The following EPHB1 variants were observed in gnomAD, a reference collection of about 807,000 sequenced individuals.
EPHB1 encodes EPH receptor B1.
In EPHB1, 30 loss-of-function variants were observed where a neutral mutation model predicts 94.4. That is an observed-to-expected ratio of 0.32 (90% confidence interval 0.24 to 0.43). EPHB1 has a LOEUF of 0.43. EPHB1 is among the 20% of genes least tolerant of loss of function. The pLI is 1.00. For missense variants in EPHB1, 1,055 were observed against 1,308.3 expected (o/e 0.81, Z 2.99); for synonymous variants, 522 against 489.1 (o/e 1.07, Z -0.89).
In EPHB1 at chr3:134,795,678, C is replaced by T; in HGVS notation, c.47C>T (p.Ala16Val). 2 of 1,610,122 alleles carry T rather than the reference C, an allele frequency of 1.2e-6. No homozygotes were observed. The highest frequency in any genetic ancestry group is 8.5e-7 in the Non-Finnish European group (1 of 1,178,434). The change falls in exon 1 of 16, where the codon GCT becomes GTT. Residue 16 changes from alanine (A) to valine (V), a missense_variant. Ala to Val is a moderately conservative substitution (Grantham distance 64). Coordinates refer to ENST00000398015, the MANE Select transcript of EPHB1 (RefSeq NM_004441.5). ...CTGCTCCTCCTGGCATCCGCAGTGG[C>T]TGCGATGGAAGGTAACGTACCCTCC... ...LLLLLLASAV[A>V]AMEETLMDTR...
intron 3 of EPHB1, among the ~76,000 whole-genome samples, chr3:134,981,708 A>C (rs1176528748): frequency 6.6e-6 from 1 of 152,164 alleles, no homozygotes; most frequent in Non-Finnish European, 1.5e-5. Flanking sequence ...ATGTTTAGTG[A>C]GTACCCACCC....
intron 1 of EPHB1, among the ~76,000 whole-genome samples, chr3:134,823,560 C>G (rs563345124): frequency 1.3e-5 from 2 of 152,312 alleles, no homozygotes; most frequent in African/African-American, 4.8e-5. Flanking sequence ...AGGCTACGCA[C>G]TATCATTTCC....
chr3:134,881,967 A>T (rs2108311788), intron 1 of EPHB1, among the ~76,000 whole-genome samples: 1 of 152,358 alleles, frequency 6.6e-6, no homozygotes, highest in South Asian at 2.1e-4. Flanking sequence ...CAAACAAAAA[A>T]TTCATGGAAT....
intron 3 of EPHB1, among the ~76,000 whole-genome samples, chr3:135,007,538 G>T (rs1330882389): frequency 6.6e-6 from 1 of 152,164 alleles, no homozygotes; most frequent in Non-Finnish European, 1.5e-5. Flanking sequence ...CTTTGGAAGG[G>T]ATGTCCTTAA....
intron 4 of EPHB1, among the ~76,000 whole-genome samples, chr3:135,117,404 G>A (rs1559837773): frequency 6.6e-6 from 1 of 152,226 alleles, no homozygotes; most frequent in African/African-American, 2.4e-5. Context: ...ATATGGGATT[G>A]GCTGTGGGCT....
At chr3:135,232,749 T>C (rs1943562792) in intron 12 of EPHB1, among the ~76,000 whole-genome samples, 1 of 151,948 alleles carries the variant, frequency 6.6e-6, no homozygotes, top group Admixed American at 6.6e-5. Context: ...AAGAAAGAGG[T>C]TTAATTGACT....
At chr3:135,033,117 T>C (rs1183629335) in intron 3 of EPHB1, among the ~76,000 whole-genome samples, 4 of 152,216 alleles carry the variant, frequency 2.6e-5, no homozygotes. Flanking sequence ...CTAGGAGCAG[T>C]GACCACCGTA....
intron 3 of EPHB1, among the ~76,000 whole-genome samples, chr3:134,965,419 G>A (rs1933697974): frequency 6.6e-6 from 1 of 151,994 alleles, no homozygotes; most frequent in South Asian, 2.1e-4. Context: ...TTCCTCTAGG[G>A]CCAGGCGAGG....
In EPHB1 at chr3:134,925,882, T is replaced by G. The variant is rs1578202389; in HGVS notation, c.123+2T>G. 1 of 1,599,244 alleles carries G rather than the reference T, an allele frequency of 6.3e-7. No homozygotes were observed. Among genetic ancestry groups the G allele is most frequent in the Non-Finnish European group, 8.5e-7 (1 of 1,172,508 alleles). ...TGGACGGCCAATCCTGCGTCCGGGG[T>G]GAGTATCAAACCATTCGTCTTTCAG... On this transcript the variant is annotated splice_donor_variant, in intron 2 of 15. Transcript: ENST00000398015. LOFTEE classifies it high-confidence loss of function.
chr3:134,859,961 A>G (rs2037211538), intron 1 of EPHB1, among the ~76,000 whole-genome samples: 1 of 152,086 alleles, frequency 6.6e-6, no homozygotes, highest in Non-Finnish European at 1.5e-5. Flanking sequence ...TAGCCCATCC[A>G]GTGGCTGTAT....
chr3:135,074,721 A>G (rs750710558), intron 3 of EPHB1, among the ~76,000 whole-genome samples: 5 of 152,164 alleles, frequency 3.3e-5, no homozygotes, highest in Non-Finnish European at 7.3e-5. Context: ...TCTGGGCCTC[A>G]GTTTCCCCAT....
intron 1 of EPHB1, among the ~76,000 whole-genome samples, chr3:134,820,712 G>A (rs1045575227): frequency 2.6e-5 from 4 of 151,892 alleles, no homozygotes; most frequent in African/African-American, 7.3e-5. Context: ...CCCACCACTC[G>A]GCCCCAGGCT....
At chr3:134,937,011 C>T (rs1262153220) in intron 2 of EPHB1, among the ~76,000 whole-genome samples, 3 of 152,104 alleles carry the variant, frequency 2.0e-5, no homozygotes, top group Non-Finnish European at 2.9e-5. Flanking sequence ...GTAATGGTAG[C>T]CCCACTGTGT....
chr3:135,140,807 C>T (rs1245480114), intron 5 of EPHB1, among the ~76,000 whole-genome samples: 2 of 152,202 alleles, frequency 1.3e-5, no homozygotes, highest in South Asian at 2.1e-4. Flanking sequence ...GCCAGCCCCG[C>T]GCCTATCATT....
At chr3:134,906,645 G>A (rs2038337084) in intron 1 of EPHB1, among the ~76,000 whole-genome samples, 1 of 152,202 alleles carries the variant, frequency 6.6e-6, no homozygotes, top group Non-Finnish European at 1.5e-5. Flanking sequence ...GCAGAATTGA[G>A]TAGTTGCAAC....
intron 3 of EPHB1, among the ~76,000 whole-genome samples, chr3:135,035,238 T>C (rs1382731264): frequency 6.6e-6 from 1 of 152,184 alleles, no homozygotes; most frequent in East Asian, 1.9e-4. Context: ...CCATCGCTCC[T>C]TGGGGAGGCT....
intron 6 of EPHB1, 24 bp from the exon 7 acceptor site, chr3:135,161,993 GA>G (rs1350448668): frequency 6.3e-7 from 1 of 1,590,858 alleles, no homozygotes. Context: ...ATGGGATAGT[GA>G]CCCTTTCCCT....
At chr3:134,871,898 C>T (rs1403084522) in intron 1 of EPHB1, among the ~76,000 whole-genome samples, 1 of 152,158 alleles carries the variant, frequency 6.6e-6, no homozygotes, top group Admixed American at 6.5e-5. Flanking sequence ...TAATCTCTCC[C>T]TCATCCAGAG....
intron 1 of EPHB1, among the ~76,000 whole-genome samples, chr3:134,882,360 A>T (rs2037747862): frequency 6.6e-6 from 1 of 152,248 alleles, no homozygotes; most frequent in South Asian, 2.1e-4. Context: ...TGGACTCAGA[A>T]AATACAACAA....
Sources: allele counts gnomAD v4.1 joint callset (sites outside exome capture counted in the v4.1 genomes callset), GRCh38; gene constraint gnomAD v4.1.1; transcripts MANE v1.5; gene names NCBI Gene and HGNC (gene_info 2026-07-23, HGNC 2026-07-21).